Variants in FAM184A observed in about 807,000 individuals in gnomAD.
FAM184A encodes protein FAM184A.
Under a neutral mutation model 143.8 loss-of-function variants are expected in FAM184A, and 99 were observed. That is an observed-to-expected ratio of 0.69 (90% CI 0.58 to 0.81). The LOEUF (loss-of-function observed/expected upper bound fraction) is 0.81, where lower values mean the gene tolerates loss of function less well. FAM184A is among the 40% of genes least tolerant of loss of function. The pLI, the probability that FAM184A is intolerant of heterozygous loss-of-function variation, is 0.00. For missense variants in FAM184A, 1,217 were observed against 1,310.5 expected, an observed-to-expected ratio of 0.93 and a Z score of 1.10; for synonymous variants, 427 against 446.4, an observed-to-expected ratio of 0.96 and a Z score of 0.55.
intron 1 of FAM184A, among the ~76,000 whole-genome samples, chr6:119,120,503 C>T (rs1198582849): frequency 1.3e-5 from 2 of 152,336 alleles, no homozygotes; most frequent in African/African-American, 2.4e-5. Context: ...TTTCGGTTCT[C>T]TTGAGTATAT....
chr6:119,111,742 A>G (rs1249663587), intron 1 of FAM184A, among the ~76,000 whole-genome samples: 2 of 152,212 alleles, frequency 1.3e-5, no homozygotes, highest in Non-Finnish European at 2.9e-5. Context: ...CAGCAGTTTA[A>G]TGTACTACGA....
intron 14 of FAM184A, among the ~76,000 whole-genome samples, chr6:118,967,363 C>G (rs1783531889): frequency 6.6e-6 from 1 of 152,108 alleles, no homozygotes; most frequent in African/African-American, 2.4e-5. Context: ...TGTGTGATAA[C>G]ACAAGGCTTG....
intron 14 of FAM184A, among the ~76,000 whole-genome samples, chr6:118,971,096 T>TA (rs2114556612): frequency 6.6e-6 from 1 of 152,320 alleles, no homozygotes; most frequent in East Asian, 1.9e-4. Flanking sequence ...TCTAAACTCT[T>TA]AAATAAAGGA....
In FAM184A at chr6:119,045,967, T is replaced by C. The variant is rs971260496; in HGVS notation, c.160-21154A>G. Among the ~76,000 whole-genome samples, 8 of 152,352 alleles carry C rather than the reference T, an allele frequency of 5.3e-5. No homozygotes were observed. The East Asian group carries it at 1.5e-3, about 29-fold the overall frequency. ...ATGCTTAGGAAAAGTATATGTACTA[T>C]ATATTCCCTGATTACTAAAGTAATC... On this transcript the variant is annotated intron_variant, in intron 1 of 17. Coordinates refer to ENST00000338891, the MANE Select transcript of FAM184A (RefSeq NM_024581.6).
chr6:119,096,561 G>A lies in FAM184A; in HGVS notation c.-202+52517C>T, dbSNP rs368523296. Among the ~76,000 whole-genome samples the A allele has an allele frequency of 1.3e-3, 63 of 46,892 alleles. 17 individuals carry two copies. In the East Asian group the frequency reaches 0.07, roughly 52 times the overall value. 30.8% of individuals were successfully genotyped at this position (46,892 alleles called of 152,430 possible). A position where few individuals can be genotyped will look rare whatever the true frequency, so the allele number is the denominator to read the frequency against. ...TGAGGCAGGAGAATGGCGTGAACCC[G>A]GGAGGCGGAGCTTGCAGTGAGCCGA... On this transcript the variant is annotated intron_variant, in intron 1 of 16. Transcript: ENST00000352896.
At position 119,024,241 on chromosome 6, in the gene FAM184A, T is replaced by C. The variant is rs1785552929; in HGVS notation, c.732A>G (p.Leu244=). 1 of 1,614,186 alleles carries C rather than the reference T, an allele frequency of 6.2e-7. No homozygotes were observed. The highest frequency in any genetic ancestry group is 8.5e-7 in the Non-Finnish European group (1 of 1,180,024). Residue 244 remains leucine, a synonymous_variant, in exon 2 of 18, where the codon CTA becomes CTG. Transcript: ENST00000338891. Reference sequence around the variant, plus strand: ...TCAACTTGCCTTCATAATCCTCAATTAGTTTCTTCCGTTCAAGTCTTAGCT... The same window carrying C: ...TCAACTTGCCTTCATAATCCTCAATCAGTTTCTTCCGTTCAAGTCTTAGCT... ...LEELRLERKK[L]IEDYEGKLNK...
intron 1 of FAM184A, among the ~76,000 whole-genome samples, chr6:119,143,013 A>G (rs1772297913): frequency 6.6e-6 from 1 of 152,198 alleles, no homozygotes; most frequent in African/African-American, 2.4e-5. Context: ...ATCACCAGAA[A>G]CTAGGAGGGA....
intron 1 of FAM184A, among the ~76,000 whole-genome samples, chr6:119,049,779 G>A (rs936603108): frequency 2.0e-5 from 3 of 152,196 alleles, no homozygotes; most frequent in African/African-American, 4.8e-5. Context: ...AATGGGCAAA[G>A]GTTCCATGAC....
chr6:119,017,657 G>C (rs1384365339), intron 4 of FAM184A, among the ~76,000 whole-genome samples: 1 of 152,078 alleles, frequency 6.6e-6, no homozygotes, highest in Non-Finnish European at 1.5e-5. Context: ...AAAATACAAA[G>C]ACTATGGCAA....
At chr6:119,111,750 C>T (rs533149982) in intron 1 of FAM184A, among the ~76,000 whole-genome samples, 13 of 152,128 alleles carry the variant, frequency 8.5e-5, no homozygotes, top group South Asian at 8.3e-4. Context: ...TAATGTACTA[C>T]GAAAAATGCA....
At chr6:119,117,043 G>A (rs1789079769) in intron 1 of FAM184A, among the ~76,000 whole-genome samples, 1 of 152,184 alleles carries the variant, frequency 6.6e-6, no homozygotes, top group African/African-American at 2.4e-5. Context: ...TCAGGTCTCA[G>A]GAGAATTGGT....
chr6:119,138,627 T>A lies in FAM184A; in HGVS notation c.-202+10451A>T, dbSNP rs1772102216. Among the ~76,000 whole-genome samples, 3 of 43,204 alleles carry A rather than the reference T, an allele frequency of 6.9e-5. No homozygotes were observed. The East Asian group carries it at 2.4e-3, about 35-fold the overall frequency. The allele number at this position is 43,204 out of a possible 152,430, so 28.3% of individuals were successfully genotyped here. ...ATTATTATTATTATTATTATTATTATTATTATTATTATTTTTGAGACGGAG... is the reference window on the plus strand; with the variant it reads ...ATTATTATTATTATTATTATTATTAATATTATTATTATTTTTGAGACGGAG... On this transcript the variant is annotated intron_variant, in intron 1 of 16. Coordinates refer to the FAM184A transcript ENST00000352896.
In FAM184A at chr6:119,016,937, T is replaced by G; in HGVS notation, c.1340A>C (p.Asn447Thr). The change falls in exon 5 of 18, where the codon AAT becomes ACT. Residue 447 changes from asparagine to threonine, a missense_variant. By Grantham distance (65) the Asn-to-Thr change is moderately conservative. Transcript: ENST00000338891. The stretch of plus-strand genomic sequence containing the variant: ...TTCTTGCTGAGTTCTCTTTGCTTCA[T>G]TTACTTTCTAAAATTAAAACAAAGA... ...QQILELEKKV[N>T]EAKRTQQEYY... 1 of 1,598,972 alleles carries G rather than the reference T, an allele frequency of 6.3e-7. No homozygotes were observed. Among genetic ancestry groups the G allele is most frequent in the Non-Finnish European group, 8.5e-7 (1 of 1,173,666 alleles).
At chr6:119,051,173 AT>A (rs1320809004) in intron 1 of FAM184A, among the ~76,000 whole-genome samples, 3 of 152,114 alleles carry the variant, frequency 2.0e-5, no homozygotes, top group African/African-American at 7.2e-5. Context: ...AATGTGGTAC[AT>A]GTACACAATG....
At chr6:119,027,858 T>C (rs941953245) in intron 1 of FAM184A, among the ~76,000 whole-genome samples, 34 of 152,314 alleles carry the variant, frequency 2.2e-4, no homozygotes, top group African/African-American at 6.7e-4. Context: ...CTGAGGAACT[T>C]AGAGAAAGTC....
intron 1 of FAM184A, among the ~76,000 whole-genome samples, chr6:119,109,040 A>G (rs1419792773): frequency 6.6e-6 from 1 of 152,152 alleles, no homozygotes; most frequent in East Asian, 1.9e-4. Context: ...CTACTTAGAA[A>G]GTTATTTCTT....
At chr6:118,976,386 A>C (rs913546939) in intron 11 of FAM184A, among the ~76,000 whole-genome samples, 3 of 152,022 alleles carry the variant, frequency 2.0e-5, no homozygotes, top group African/African-American at 7.2e-5. Flanking sequence ...AATTTGGTCA[A>C]GCACGGGGGC....
At chr6:119,002,814 G>C in intron 9 of FAM184A, 85 bp downstream of exon 9, 3 of 1,213,170 alleles carry the variant, frequency 2.5e-6, no homozygotes, top group Middle Eastern at 2.0e-4. Flanking sequence ...ACAAAATTCA[G>C]TGAATTAACA....
At chr6:119,022,804 G>A in intron 3 of FAM184A, 141 bp downstream of exon 3, 1 of 892,550 alleles carries the variant, frequency 1.1e-6, no homozygotes, top group Non-Finnish European at 1.7e-6. Context: ...TTGAACCCAG[G>A]AGGCAGAGGT....
Sources: gnomAD v4.1 joint callset for allele counts (sites outside exome capture counted in the v4.1 genomes callset) on GRCh38, gnomAD v4.1.1 for gene constraint, MANE v1.5 for transcripts, NCBI Gene and HGNC (gene_info 2026-07-23, HGNC 2026-07-21) for gene names.